The following MED15 variants were observed in gnomAD, a reference collection of about 807,000 sequenced individuals.
MED15 encodes the protein mediator of RNA polymerase II transcription subunit 15.
MED15 carries 41 observed loss-of-function variants against 118.7 expected under a neutral mutation model. The ratio of observed to expected loss-of-function variants is 0.35; its 90% CI spans 0.27 to 0.45. The LOEUF (loss-of-function observed/expected upper bound fraction) is 0.45. MED15 is among the 20% of genes least tolerant of loss of function. The pLI, the probability that MED15 is intolerant of heterozygous loss-of-function variation, is 1.00. For synonymous variants in MED15, 436 were observed against 413.9 expected (o/e 1.05, Z -0.65); for missense variants, 740 against 1,025.5 (o/e 0.72, Z 3.80).
At chr22:20,557,007 G>T (rs1226976991) in intron 5 of MED15, among the ~76,000 whole-genome samples, 1 of 152,208 alleles carries the variant, frequency 6.6e-6, no homozygotes, top group African/African-American at 2.4e-5. Flanking sequence ...ATTCACCCAT[G>T]AAGGACATTT....
chr22:20,551,484 A>G lies in MED15; in HGVS notation c.205A>G (p.Ile69Val). 1 of 1,613,886 alleles carries G rather than the reference A, an allele frequency of 6.2e-7. No individual in the cohort carries two copies. The highest frequency in any genetic ancestry group is 2.2e-5 in the East Asian group (1 of 44,872). Reference protein sequence around the residue: ...VARLIIHFRDIHNKKSQASVS... With the variant: ...VARLIIHFRDVHNKKSQASVS... ...CAGGCTCATTATCCATTTTCGAGAC[A>G]TTCGTAAGTAAGATTTTGCATTTCT... The change falls in exon 3 of 18, where the codon ATT becomes GTT. Residue 69 changes from isoleucine (I) to valine (V), a missense_variant. Ile to Val is a conservative substitution (Grantham distance 29, BLOSUM62 3). Around this residue, in one of 7 missense-constraint regions of MED15, gnomAD observed 33 missense variants for 78.2 expected, o/e 0.42. Coordinates refer to ENST00000263205, the MANE Select transcript of MED15 (RefSeq NM_001003891.3).
Position 20,555,159 on chromosome 22 carries a change from C to T in MED15, c.451+11C>T, listed in dbSNP as rs370185613. ...CGGCAACTCCACAGAGTGAGTACCA[C>T]ACTTCTTGGAGGATTTGCCGCTTTC... is the stretch of plus-strand genomic sequence containing the variant. On this transcript the variant is annotated intron_variant, in intron 5 of 17. Coordinates refer to ENST00000263205, the MANE Select transcript of MED15 (RefSeq NM_001003891.3). 1.1e-5 allele frequency: 17 copies of T among 1,578,296 alleles called. No individual in the cohort carries two copies. The African/African-American group carries it at 1.8e-4, about 16-fold the overall frequency.
At chr22:20,571,641 C>A (rs1490349076) in intron 8 of MED15, among the ~76,000 whole-genome samples, 1 of 152,236 alleles carries the variant, frequency 6.6e-6, no homozygotes, top group Non-Finnish European at 1.5e-5. Context: ...TAATTGGGCA[C>A]CCTCACTGCC....
Position 20,586,571 on chromosome 22 carries a change from C to G in MED15, c.2234C>G (p.Ala745Gly). The change falls in exon 18 of 18, where the codon GCC (alanine) becomes GGC (glycine). Residue 745 changes from alanine to glycine, a missense_variant. Ala to Gly is a moderately conservative substitution (Grantham distance 60). Coordinates refer to ENST00000263205, the MANE Select transcript of MED15 (RefSeq NM_001003891.3). ...CACGCCCACTGCTCTGTTGCAGACGCCAACCCCTTCCTCCAGTCGGTGCAC... is the reference window on the plus strand; with the variant it reads ...CACGCCCACTGCTCTGTTGCAGACGGCAACCCCTTCCTCCAGTCGGTGCAC... Reference protein sequence around the residue: ...LWIDRQWQYDANPFLQSVHRC... With the variant: ...LWIDRQWQYDGNPFLQSVHRC... 1 of 1,612,614 alleles carries G rather than the reference C, an allele frequency of 6.2e-7. No individual in the cohort carries two copies. Among genetic ancestry groups the G allele is most frequent in the Non-Finnish European group, 8.5e-7 (1 of 1,179,816 alleles).
chr22:20,521,024 G>C (rs1230324741), intron 1 of MED15, among the ~76,000 whole-genome samples: 1 of 149,952 alleles, frequency 6.7e-6, no homozygotes, highest in Non-Finnish European at 1.5e-5. Context: ...ACAGTCCTCT[G>C]TGCAATTGTG....
chr22:20,561,118 A>G (rs1279854206), intron 5 of MED15, among the ~76,000 whole-genome samples: 1 of 152,212 alleles, frequency 6.6e-6, no homozygotes, highest in Non-Finnish European at 1.5e-5. Context: ...TAATTCATAA[A>G]ATTTAAGATC....
chr22:20,522,285 C>T (rs534501312), intron 1 of MED15: 7 of 152,240 alleles, frequency 4.6e-5, no homozygotes, highest in African/African-American at 1.7e-4. Context: ...CAAGTGGTAC[C>T]AGTTTACGTT....
At position 20,586,597 on chromosome 22, in the gene MED15, C is replaced by T. The variant is rs750737988; in HGVS notation, c.2260C>T (p.Arg754Cys). The T allele has an allele frequency of 3.7e-6, 6 of 1,612,846 alleles. No homozygotes were observed. Among genetic ancestry groups the T allele is most frequent in the African/African-American group, 2.7e-5 (2 of 74,914 alleles). ...CAACCCCTTCCTCCAGTCGGTGCACCGCTGCATGACCTCCAGGCTGCTGCA... is the reference window on the plus strand; with the variant it reads ...CAACCCCTTCCTCCAGTCGGTGCACTGCTGCATGACCTCCAGGCTGCTGCA... Reference protein sequence around the residue: ...DANPFLQSVHRCMTSRLLQLP... With the variant: ...DANPFLQSVHCCMTSRLLQLP... Residue 754 changes from arginine to cysteine, a missense_variant, in exon 18 of 18, where the codon CGC becomes TGC. By Grantham distance (180) the Arg-to-Cys change is radical. Transcript: ENST00000263205.
At chr22:20,515,218 T>C (rs754709314) in intron 1 of MED15, among the ~76,000 whole-genome samples, 4 of 152,226 alleles carry the variant, frequency 2.6e-5, no homozygotes, top group Non-Finnish European at 4.4e-5. Flanking sequence ...CCAAGCCCTG[T>C]TGCAGGAGTT....
chr22:20,547,903 G>T (rs554414344), intron 2 of MED15, among the ~76,000 whole-genome samples: 1 of 152,178 alleles, frequency 6.6e-6, no homozygotes, highest in African/African-American at 2.4e-5. Context: ...GGAGGCTGAG[G>T]TGGGGAGGCT....
intron 7 of MED15, 114 bp downstream of exon 7, chr22:20,566,931 A>G: frequency 6.6e-7 from 1 of 1,526,710 alleles, no homozygotes; most frequent in Non-Finnish European, 8.8e-7. Flanking sequence ...CTGAGACTTC[A>G]GGCAGCCCCC....
chr22:20,582,067 GTGGGACAGCC>G (rs1301145781), intron 9 of MED15: 5 of 160,488 alleles, frequency 3.1e-5, no homozygotes, highest in Admixed American at 1.3e-4. Context: ...GCAGGTCCAG[GTGGGACAGCC>G]TGGGACCAGC....
Position 20,564,681 on chromosome 22 carries a change from A to G in MED15, c.683A>G (p.Gln228Arg). Residue 228 changes from glutamine to arginine, a missense_variant, in exon 6 of 18, where the codon CAG (glutamine) becomes CGG (arginine). By Grantham distance (43) the Gln-to-Arg change is conservative (BLOSUM62 1). Transcript: ENST00000263205. ...CTAATTAAATTGCATCATCAAAATC[A>G]GCAACAGGTACCAGGTCCCCTGTTC... ...QHLIKLHHQN[Q>R]QQIQQQQQQL... The G allele has an allele frequency of 6.2e-7, 1 of 1,614,248 alleles. No homozygotes were observed. The highest frequency in any genetic ancestry group is 8.5e-7 in the Non-Finnish European group (1 of 1,180,034).
rs141338781 is a variant in MED15, at chr22:20,547,754, C to T, written c.157-3682C>T. ...AGAATAGCTTGCACCACCCGGGAGG[C>T]GGAGCTTGCAGTGAACTGAGATTGC... On this transcript the variant is annotated intron_variant, in intron 2 of 17. Coordinates refer to ENST00000263205, the MANE Select transcript of MED15 (RefSeq NM_001003891.3). Among the ~76,000 whole-genome samples, 322 of 152,228 alleles carry T rather than the reference C, an allele frequency of 2.1e-3. 11 individuals carry two copies. In the East Asian group the frequency reaches 0.055, roughly 26 times the overall value.
Position 20,566,526 on chromosome 22 carries a change from ACAGCAGCAGCAGCAGCAGCAGCAG to A in MED15, c.763_786del (p.Gln255_Gln262del). 3.1e-6 allele frequency: 5 copies of A among 1,601,430 alleles called. No homozygotes were observed. The highest frequency in any genetic ancestry group is 1.7e-4 in the Middle Eastern group (1 of 5,984). On this transcript the variant is annotated inframe_deletion, in exon 7 of 18. Transcript: ENST00000263205. ...CACAGCTGCAGCTCCAACAACAGCAACAGCAGCAGCAGCAGCAGCAGCAGCAGCAGCAGCAGGCTTTGCAGGCCC... is the reference window on the plus strand; with the variant it reads ...CACAGCTGCAGCTCCAACAACAGCAACAGCAGCAGCAGGCTTTGCAGGCCC...
chr22:20,574,006 G>A (rs2056748924), intron 8 of MED15: 1 of 152,254 alleles, frequency 6.6e-6, no homozygotes, highest in Non-Finnish European at 1.5e-5. Context: ...GGCACCTCCT[G>A]TGCGTGCCCA....
chr22:20,534,800 C>A (rs1381440095), intron 1 of MED15, among the ~76,000 whole-genome samples: 3 of 152,192 alleles, frequency 2.0e-5, no homozygotes, highest in African/African-American at 7.2e-5. Context: ...CAGTGCCGCG[C>A]GTGAGTTGGT....
In MED15 at chr22:20,587,102, G is replaced by A. The variant is rs990153542; in HGVS notation, c.*398G>A. The A allele has an allele frequency of 2.8e-5, 6 of 215,116 alleles. No homozygotes were observed. Among genetic ancestry groups the A allele is most frequent in the Non-Finnish European group, 3.8e-5 (4 of 106,134 alleles). The allele number at this position is 215,116 out of a possible 1,614,324, so 13.3% of individuals were successfully genotyped here. ...CTACTCGTTCCTATAGAACACAGAG[G>A]ACATAGGAAACCCTTAAAACACACA... On this transcript the variant is annotated 3_prime_UTR_variant, in exon 18 of 18. Coordinates refer to ENST00000263205, the MANE Select transcript of MED15 (RefSeq NM_001003891.3).
At chr22:20,567,353 C>T (rs564793436) in intron 7 of MED15, among the ~76,000 whole-genome samples, 3 of 152,302 alleles carry the variant, frequency 2.0e-5, no homozygotes, top group South Asian at 2.1e-4. Flanking sequence ...CCAGTCTACT[C>T]AGTGACAGGC....
Sources: allele counts gnomAD v4.1 joint callset (sites outside exome capture counted in the v4.1 genomes callset), GRCh38; gene constraint gnomAD v4.1.1; regional missense constraint gnomAD v4.1.1; transcripts MANE v1.5; gene names NCBI Gene and HGNC (gene_info 2026-07-23, HGNC 2026-07-21).